Variants in GNA12 observed in about 807,000 individuals in gnomAD.
GNA12 encodes the protein guanine nucleotide-binding protein subunit alpha-12.
A neutral mutation model predicts 26.0 loss-of-function variants in GNA12; 9 were observed. That is an observed-to-expected ratio of 0.35 (90% CI 0.21 to 0.60). The LOEUF (loss-of-function observed/expected upper bound fraction) is 0.60. Among genes scored for constraint, GNA12 ranks in the 20% least tolerant of loss-of-function variants. The probability of loss-of-function intolerance (pLI) is 0.78; values close to 1 mark genes in which losing one functional copy is unlikely to be tolerated. For missense variants in GNA12, 405 were observed against 525.8 expected, an observed-to-expected ratio of 0.77 and a Z score of 2.25; for synonymous variants, 264 against 219.6, an observed-to-expected ratio of 1.20 and a Z score of -1.79.
At chr7:2,787,183 G>T (rs894518098) in intron 2 of GNA12, among the ~76,000 whole-genome samples, 1 of 152,144 alleles carries the variant, frequency 6.6e-6, no homozygotes, top group Admixed American at 6.5e-5. Flanking sequence ...TAGGCGAGGT[G>T]GCCTGTGAAT....
chr7:2,740,832 C>T lies in GNA12; in HGVS notation c.526-7331G>A, dbSNP rs548467970. Among the ~76,000 whole-genome samples, 8 of 152,264 alleles carry T rather than the reference C, an allele frequency of 5.3e-5. 1 individual carries two copies. Among genetic ancestry groups the T allele is most frequent in the South Asian group, 2.1e-4 (1 of 4,830 alleles). On this transcript the variant is annotated intron_variant, in intron 2 of 3. Transcript: ENST00000275364. Reference sequence around the variant, plus strand: ...GGCCGAGGCGGACGGATCACGAGGTCGAGAGATCTAGACCATCCTGACTAG... The same window carrying T: ...GGCCGAGGCGGACGGATCACGAGGTTGAGAGATCTAGACCATCCTGACTAG...
At chr7:2,736,593 C>T (rs918642036) in intron 2 of GNA12, among the ~76,000 whole-genome samples, 2 of 152,194 alleles carry the variant, frequency 1.3e-5, no homozygotes, top group African/African-American at 4.8e-5. Flanking sequence ...CTGTATTGGG[C>T]ACAGCCGGGC....
At chr7:2,842,322 AT>A (rs113098085) in intron 1 of GNA12, among the ~76,000 whole-genome samples, 22,145 of 151,546 alleles carry the variant, frequency 0.15, 1,936 homozygotes, top group African/African-American at 0.24. Flanking sequence ...TGGTTCTTTT[AT>A]TTTTTTTCAC....
Position 2,781,063 on chromosome 7 carries a change from T to C in GNA12, c.525+13865A>G, listed in dbSNP as rs146564044. 4.9e-3 allele frequency among the ~76,000 whole-genome samples: 749 copies of C among 152,362 alleles called. 10 individuals are homozygous for C. The highest frequency in any genetic ancestry group is 0.017 in the African/African-American group (707 of 41,572). On this transcript the variant is annotated intron_variant, in intron 2 of 3. Coordinates refer to ENST00000275364, the MANE Select transcript of GNA12 (RefSeq NM_007353.3). ...TTGCAAATCTGTGAGTATATCATAA[T>C]ATCATCTCCTCTTCTCAGAAGTGCC...
intron 2 of GNA12, among the ~76,000 whole-genome samples, chr7:2,745,491 G>C (rs11978481): frequency 0.015 from 2,329 of 152,234 alleles, 53 homozygotes; most frequent in African/African-American, 0.052. Context: ...TCACCACCAG[G>C]CCTGCCCTAA....
At chr7:2,839,829 T>C (rs1778938739) in intron 1 of GNA12, among the ~76,000 whole-genome samples, 1 of 152,080 alleles carries the variant, frequency 6.6e-6, no homozygotes. Context: ...TGAAACCCCG[T>C]CTCTACTAAA....
chr7:2,791,655 G>T (rs534354949), intron 2 of GNA12, among the ~76,000 whole-genome samples: 1 of 152,158 alleles, frequency 6.6e-6, no homozygotes, highest in South Asian at 2.1e-4. Context: ...AAAAAACAAG[G>T]TGATGAAGCA....
At chr7:2,825,284 T>C (rs1260279605) in intron 1 of GNA12, among the ~76,000 whole-genome samples, 2 of 152,106 alleles carry the variant, frequency 1.3e-5, no homozygotes, top group African/African-American at 4.8e-5. Flanking sequence ...TCCGAGCTCT[T>C]GCCAGGACTT....
intron 2 of GNA12, among the ~76,000 whole-genome samples, chr7:2,758,492 C>T (rs1200601974): frequency 6.6e-6 from 1 of 152,156 alleles, no homozygotes; most frequent in Non-Finnish European, 1.5e-5. Context: ...AATTTCTTCC[C>T]CTGCAGCGTG....
At chr7:2,770,169 C>T (rs1320254501) in intron 2 of GNA12, among the ~76,000 whole-genome samples, 1 of 152,166 alleles carries the variant, frequency 6.6e-6, no homozygotes, top group Non-Finnish European at 1.5e-5. Context: ...TATGACTTTA[C>T]TGAGGTTCAC....
Position 2,814,985 on chromosome 7 carries a change from G to A in GNA12, c.310-19842C>T, listed in dbSNP as rs1333470087. ...TGCACTCGGCATGGCTGACAAGGAC[G>A]TCACTGTATCCAGGTCTAATCTCGC... On this transcript the variant is annotated intron_variant, in intron 1 of 3. Transcript: ENST00000275364. The A allele has an allele frequency of 3.7e-5, 58 of 1,550,086 alleles. No homozygotes were observed. In the East Asian group the frequency reaches 9.7e-4, roughly 26 times the overall value.
chr7:2,831,404 CTTT>C (rs3996402), intron 1 of GNA12, among the ~76,000 whole-genome samples: 2 of 130,082 alleles, frequency 1.5e-5, no homozygotes, highest in African/African-American at 2.8e-5. Context: ...ACTTCACTTT[CTTT>C]TTTTTTTTTT....
At chr7:2,814,770 C>T (rs978161629) in intron 1 of GNA12, 2 of 1,021,220 alleles carry the variant, frequency 2.0e-6, no homozygotes, top group African/African-American at 3.2e-5. Context: ...GTCCAACACA[C>T]ATCCTAGAAA....
rs757540915 is a variant in GNA12, at chr7:2,731,066, C to G, written c.*115G>C. 2.4e-5 allele frequency: 16 copies of G among 677,876 alleles called. No individual in the cohort carries two copies. Among genetic ancestry groups the G allele is most frequent in the Non-Finnish European group, 4.0e-5 (16 of 400,990 alleles). 42.0% of individuals were successfully genotyped at this position (677,876 alleles called of 1,614,324 possible). A position where few individuals can be genotyped will look rare whatever the true frequency, so the allele number is the denominator to read the frequency against. On this transcript the variant is annotated 3_prime_UTR_variant, in exon 4 of 4. Transcript: ENST00000275364. The surrounding 1 kb of genome is among the most constrained non-coding windows in gnomAD (Gnocchi z 6.0). ...TGACAGCATTCCTGAGCCAGGTATT[C>G]CAGGGCACGGATCCGAGAAACCCAC...
intron 1 of GNA12, among the ~76,000 whole-genome samples, chr7:2,813,461 G>A (rs575376742): frequency 3.6e-4 from 55 of 152,156 alleles, no homozygotes; most frequent in Non-Finnish European, 5.3e-4. Flanking sequence ...TGTAGCTTGC[G>A]TAAGGGGACA....
intron 1 of GNA12, among the ~76,000 whole-genome samples, chr7:2,796,052 A>G (rs1238084604): frequency 6.6e-6 from 1 of 151,868 alleles, no homozygotes; most frequent in East Asian, 1.9e-4. Flanking sequence ...TTTAGTAGAG[A>G]GGGGGGTTCC....
At chr7:2,834,865 G>A (rs1238378757) in intron 1 of GNA12, among the ~76,000 whole-genome samples, 1 of 152,198 alleles carries the variant, frequency 6.6e-6, no homozygotes. Context: ...CTAGGTTTGT[G>A]TAGGTCCACT....
At chr7:2,766,588 G>A (rs1791810784) in intron 2 of GNA12, among the ~76,000 whole-genome samples, 1 of 152,002 alleles carries the variant, frequency 6.6e-6, no homozygotes, top group African/African-American at 2.4e-5. Flanking sequence ...GTTTCACCAT[G>A]TTGGCCAGGC....
intron 1 of GNA12, among the ~76,000 whole-genome samples, chr7:2,829,971 T>C (rs1277221255): frequency 6.6e-6 from 1 of 152,230 alleles, no homozygotes; most frequent in Non-Finnish European, 1.5e-5. Flanking sequence ...TCCTGCTAGC[T>C]AGTAAGTGTC....
Sources: gnomAD v4.1 joint callset for allele counts (sites outside exome capture counted in the v4.1 genomes callset) on GRCh38, gnomAD v4.1.1 for gene constraint, Gnocchi (gnomAD v3.1) non-coding constraint, MANE v1.5 for transcripts, NCBI Gene and HGNC (gene_info 2026-07-23, HGNC 2026-07-21) for gene names.